The following DSCC1 variants were observed in gnomAD, a reference collection of about 807,000 sequenced individuals.
The protein encoded by DSCC1 is DNA replication and sister chromatid cohesion 1.
DSCC1 carries 32 observed loss-of-function variants against 48.2 expected under a neutral mutation model. The observed-to-expected ratio is 0.66, with a 90% confidence interval of 0.50 to 0.89. DSCC1 has a LOEUF of 0.89. Among genes scored for constraint, DSCC1 ranks in the 40% least tolerant of loss-of-function variants. DSCC1 has a pLI of 0.00. For synonymous variants in DSCC1, 150 were observed against 171.5 expected (o/e 0.87, Z 0.98); for missense variants, 421 against 471.7 (o/e 0.89, Z 1.00).
chr8:119,855,480 G>A, intron 1 of DSCC1, 134 bp downstream of exon 1: 1 of 1,271,308 alleles, frequency 7.9e-7, no homozygotes, highest in South Asian at 1.6e-5. Context: ...GACTCCTCGG[G>A]AACAGGCAGC....
intron 4 of DSCC1, among the ~76,000 whole-genome samples, chr8:119,845,515 T>C (rs1374960396): frequency 6.6e-6 from 1 of 152,106 alleles, no homozygotes; most frequent in East Asian, 1.9e-4. Context: ...AAAAAATGGA[T>C]TGTGTGATGT....
chr8:119,852,662 C>G (rs1457639659), intron 2 of DSCC1: 1 of 157,546 alleles, frequency 6.3e-6, no homozygotes, highest in Non-Finnish European at 1.4e-5. Context: ...GCCCAAATTT[C>G]TTCATTTCTC....
chr8:119,850,380 AC>A lies in DSCC1; in HGVS notation c.486+1del. 6.4e-7 allele frequency: 1 copy of A among 1,554,934 alleles called. No homozygotes were observed. The highest frequency in any genetic ancestry group is 8.6e-7 in the Non-Finnish European group (1 of 1,160,388). On this transcript the variant is annotated splice_donor_variant, in intron 3 of 8. Transcript: ENST00000313655. LOFTEE classifies it high-confidence loss of function. ...AAATAAAAAAGTGAAAATAAGTCTT[AC>A]TTTTGAGCTATTTGAATCCTTCTCT... is the stretch of plus-strand genomic sequence containing the variant.
At position 119,855,713 on chromosome 8, in the gene DSCC1, C is replaced by A; in HGVS notation, c.83G>T (p.Cys28Phe). The change falls in exon 1 of 9, where the codon TGC (cysteine) becomes TTC (phenylalanine). Residue 28 changes from cysteine to phenylalanine, a missense_variant. Transcript: ENST00000313655. Reference protein sequence around the residue: ...NAAELLPAVHCLGFGPGASGA... With the variant: ...NAAELLPAVHFLGFGPGASGA... ...GCTGGCCCCAGGGCCGAAGCCCAGG[C>A]AGTGCACCGCCGGCAGCAGCTCGGC... is the stretch of plus-strand genomic sequence containing the variant. 1 of 1,567,338 alleles carries A rather than the reference C, an allele frequency of 6.4e-7. No individual in the cohort carries two copies. Among genetic ancestry groups the A allele is most frequent in the Non-Finnish European group, 8.6e-7 (1 of 1,156,292 alleles).
At position 119,841,896 on chromosome 8, in the gene DSCC1, T is replaced by C; in HGVS notation, c.822A>G (p.Arg274=). ...DADKICRAAA[R]MLLQNAVKFN... ...ATTTCACCGCATTCTGAAGTAGCAT[T>C]CGTGCTGCTGCTCTACATATTTTAT... The change falls in exon 7 of 9, where the codon CGA becomes CGG. Residue 274 remains arginine, a synonymous_variant. Transcript: ENST00000313655. 6.2e-7 allele frequency: 1 copy of C among 1,614,186 alleles called. No individual in the cohort carries two copies.
At chr8:119,836,088 A>C (rs1826678124) in intron 8 of DSCC1, among the ~76,000 whole-genome samples, 1 of 152,204 alleles carries the variant, frequency 6.6e-6, no homozygotes, top group Non-Finnish European at 1.5e-5. Context: ...CAAGGTGGGC[A>C]GATCACTTGA....
chr8:119,844,082 A>G (rs1425624023), intron 4 of DSCC1, among the ~76,000 whole-genome samples: 1 of 152,030 alleles, frequency 6.6e-6, no homozygotes, highest in East Asian at 1.9e-4. Context: ...GGCCCAAAGA[A>G]CATTTTATGT....
chr8:119,842,353 G>A (rs1826785100), intron 6 of DSCC1, among the ~76,000 whole-genome samples: 1 of 151,342 alleles, frequency 6.6e-6, no homozygotes, highest in South Asian at 2.1e-4. Flanking sequence ...TGGGGTTACA[G>A]GCGTGAACCA....
intron 4 of DSCC1, among the ~76,000 whole-genome samples, chr8:119,845,310 T>G (rs1826840517): frequency 6.6e-6 from 1 of 151,900 alleles, no homozygotes; most frequent in Non-Finnish European, 1.5e-5. Flanking sequence ...GGTCTCGAAC[T>G]CCCGACCTCA....
chr8:119,843,793 T>A (rs1237500020), intron 4 of DSCC1, 46 bp from the exon 5 acceptor site: 8 of 1,536,836 alleles, frequency 5.2e-6, no homozygotes, highest in African/African-American at 1.4e-5. Flanking sequence ...TTTTTTTTTT[T>A]AAGGCAGGGT....
In DSCC1 at chr8:119,834,875, G is replaced by GA; in HGVS notation, c.*17dup. The GA allele has an allele frequency of 2.6e-6, 4 of 1,518,730 alleles. No individual in the cohort carries two copies. Among genetic ancestry groups the GA allele is most frequent in the Non-Finnish European group, 3.6e-6 (4 of 1,098,920 alleles). The allele number at this position is 1,518,730 out of a possible 1,614,324, so 94.1% of individuals were successfully genotyped here. ...TTTATAAAGCAACTTGAGTCCTGAA[G>GA]AAAAGACCGTTGTTCTTTTAAGAAA... is the stretch of plus-strand genomic sequence containing the variant. On this transcript the variant is annotated 3_prime_UTR_variant, in exon 9 of 9. Transcript: ENST00000313655.
At chr8:119,837,316 G>A (rs1826700391) in intron 8 of DSCC1, among the ~76,000 whole-genome samples, 1 of 152,194 alleles carries the variant, frequency 6.6e-6, no homozygotes, top group Non-Finnish European at 1.5e-5. Flanking sequence ...GGCCTTAGGA[G>A]CAGGGACAAT....
Position 119,850,499 on chromosome 8 carries a change from A to G in DSCC1, c.369T>C (p.Asn123=). ...TACGTCTTCTTAATTCCCAATAATT[A>G]TTAGAAAAACCAAAGATCTAGAAAT... ...IIHTEIFGFS[N]NYWELRRRRP... The change falls in exon 3 of 9, where the codon AAT becomes AAC. Residue 123 remains asparagine (N), a synonymous_variant. Transcript: ENST00000313655. 1.3e-6 allele frequency: 2 copies of G among 1,572,392 alleles called. No individual in the cohort carries two copies. The highest frequency in any genetic ancestry group is 1.4e-5 in the African/African-American group (1 of 70,988).
chr8:119,855,031 G>A (rs1209931338), intron 1 of DSCC1, among the ~76,000 whole-genome samples: 1 of 152,174 alleles, frequency 6.6e-6, no homozygotes, highest in African/African-American at 2.4e-5. Context: ...CGATTCTCTA[G>A]ACTTCTCAAG....
At chr8:119,847,146 T>A in intron 3 of DSCC1, 66 bp from the exon 4 acceptor site, 1 of 1,345,832 alleles carries the variant, frequency 7.4e-7, no homozygotes, top group Non-Finnish European at 1.0e-6. Flanking sequence ...TCTTGCTGAA[T>A]ATTGAGGAAT....
Position 119,841,783 on chromosome 8 carries a change from A to C in DSCC1, c.924+11T>G, listed in dbSNP as rs537792706. On this transcript the variant is annotated intron_variant, in intron 7 of 8. Coordinates refer to ENST00000313655, the MANE Select transcript of DSCC1 (RefSeq NM_024094.3). ...CTGTTGAAGTAAGGTGGCAATGTCT[A>C]TTGCTATTACCTTAAGCTGATCAAG... The C allele has an allele frequency of 1.2e-6, 2 of 1,609,604 alleles. No individual in the cohort carries two copies. The highest frequency in any genetic ancestry group is 1.7e-5 in the Admixed American group (1 of 59,770).
chr8:119,843,534 G>A, intron 5 of DSCC1, 75 bp downstream of exon 5: 1 of 1,503,086 alleles, frequency 6.7e-7, no homozygotes, highest in Admixed American at 2.3e-5. Flanking sequence ...TTATGCCCTG[G>A]GTTTAATTCC....
Position 119,838,332 on chromosome 8 carries a change from T to A in DSCC1, c.1000A>T (p.Asn334Tyr). The change falls in exon 8 of 9, where the codon AAT becomes TAT. Residue 334 changes from asparagine to tyrosine, a missense_variant. By Grantham distance (143) the Asn-to-Tyr change is moderately radical. This residue lies in a region of DSCC1 where 238 missense variants were observed against 259.0 expected (regional missense o/e 0.92). Transcript: ENST00000313655. ...LLKVDDLPEDNQERFNSLFSL... is the reference protein window; with the variant it reads ...LLKVDDLPEDYQERFNSLFSL... Reference sequence around the variant, plus strand: ...AAAAGGCTATTAAAACGTTCCTGATTATCCTCAGGTAAATCATCTACTTTC... The same window carrying A: ...AAAAGGCTATTAAAACGTTCCTGATAATCCTCAGGTAAATCATCTACTTTC... 1 of 1,610,890 alleles carries A rather than the reference T, an allele frequency of 6.2e-7. No homozygotes were observed. Among genetic ancestry groups the A allele is most frequent in the Non-Finnish European group, 8.5e-7 (1 of 1,178,712 alleles).
intron 4 of DSCC1, among the ~76,000 whole-genome samples, chr8:119,845,171 C>T (rs1826837622): frequency 6.6e-6 from 1 of 151,856 alleles, no homozygotes; most frequent in African/African-American, 2.4e-5. Context: ...CTGCAACCTC[C>T]ACCTCCCGGG....
Sources: allele counts gnomAD v4.1 joint callset (sites outside exome capture counted in the v4.1 genomes callset), GRCh38; gene constraint gnomAD v4.1.1; regional missense constraint gnomAD v4.1.1; transcripts MANE v1.5; gene names NCBI Gene and HGNC (gene_info 2026-07-23, HGNC 2026-07-21).